The following ESPNL variants were observed in gnomAD, a reference collection of about 807,000 sequenced individuals.
The protein encoded by ESPNL is espin like, also known as espin-like protein.
ESPNL carries 49 observed loss-of-function variants against 46.8 expected under a neutral mutation model. That is an observed-to-expected ratio of 1.05 (90% confidence interval 0.83 to 1.33). The LOEUF is 1.33. ESPNL is among the 40% of genes most tolerant of loss of function. ESPNL has a pLI of 0.00. For missense variants in ESPNL, 1,540 were observed against 1,436.6 expected (o/e 1.07, Z -1.16); for synonymous variants, 664 against 662.1 (o/e 1.00, Z -0.04).
At chr2:238,113,049 T>G (rs11898344) in intron 4 of ESPNL, among the ~76,000 whole-genome samples, 28,899 of 152,206 alleles carry the variant, frequency 0.19, 3,006 homozygotes, top group African/African-American at 0.27. Context: ...ATCGAGAGAA[T>G]TGTGTGAACA....
At chr2:238,125,493 G>A (rs1369016649) in intron 6 of ESPNL, 109 bp downstream of exon 6, 9 of 539,150 alleles carry the variant, frequency 1.7e-5, no homozygotes, top group East Asian at 1.4e-4. Flanking sequence ...GGGCAGCCGG[G>A]CACCCCATCA....
At chr2:238,116,662 C>T (rs938441441) in intron 4 of ESPNL, among the ~76,000 whole-genome samples, 2 of 152,246 alleles carry the variant, frequency 1.3e-5, no homozygotes, top group Non-Finnish European at 2.9e-5. Flanking sequence ...GTCAGCTCAG[C>T]ACTGCTTCAT....
In ESPNL at chr2:238,130,661, G is replaced by C. The variant is rs908395489; in HGVS notation, c.1947G>C (p.Gly649=). 6.4e-7 allele frequency: 1 copy of C among 1,561,708 alleles called. No homozygotes were observed. The highest frequency in any genetic ancestry group is 8.7e-7 in the Non-Finnish European group (1 of 1,153,404). ...CCCAGCGCCAGATCCAGGAGTGGGG[G>C]GTGTCTGTGCGGACGCTGCGGGGCA... ...SEAQRQIQEW[G]VSVRTLRGNF... The change falls in exon 9 of 9, where the codon GGG becomes GGC. Residue 649 remains glycine (G), a synonymous_variant. Transcript: ENST00000343063.
At chr2:238,103,688 A>G (rs1042712549) in intron 2 of ESPNL, among the ~76,000 whole-genome samples, 3 of 152,228 alleles carry the variant, frequency 2.0e-5, no homozygotes, top group African/African-American at 7.2e-5. Flanking sequence ...GACACCTGGC[A>G]GAGTCTGGTG....
At chr2:238,128,995 C>A in intron 8 of ESPNL, 91 bp downstream of exon 8, 1 of 1,465,700 alleles carries the variant, frequency 6.8e-7, no homozygotes, top group Admixed American at 2.3e-5. Context: ...AAGCCCAGAA[C>A]TGAATCCAAG....
chr2:238,129,165 T>C, intron 8 of ESPNL: 1 of 1,389,976 alleles, frequency 7.2e-7, no homozygotes, highest in Non-Finnish European at 9.3e-7. Context: ...TGCCTGCCTG[T>C]GCCAAGCGTT....
chr2:238,115,211 C>T (rs1045719962), intron 4 of ESPNL, among the ~76,000 whole-genome samples: 1 of 152,290 alleles, frequency 6.6e-6, no homozygotes, highest in African/African-American at 2.4e-5. Context: ...GGCGCTGTGG[C>T]CTCCTCAGGC....
intron 8 of ESPNL, 135 bp downstream of exon 8, chr2:238,129,039 G>A: frequency 4.2e-6 from 6 of 1,433,166 alleles, no homozygotes; most frequent in Non-Finnish European, 5.5e-6. Context: ...GGCCTCAGCT[G>A]CTGCTTCCGC....
At chr2:238,126,989 CTGTG>C in intron 6 of ESPNL, among the ~76,000 whole-genome samples, 2 of 126,120 alleles carry the variant, frequency 1.6e-5, no homozygotes, top group Admixed American at 1.6e-4. Flanking sequence ...TTGTGTCTAT[CTGTG>C]TGTGATTGTG....
intron 4 of ESPNL, 42 bp downstream of exon 4, chr2:238,108,015 G>GC: frequency 6.4e-7 from 1 of 1,561,390 alleles, no homozygotes; most frequent in South Asian, 1.2e-5. Flanking sequence ...AGTCACAAGT[G>GC]CCAGCCATGC....
At chr2:238,120,402 C>T (rs369448080) in intron 5 of ESPNL, among the ~76,000 whole-genome samples, 71 of 152,344 alleles carry the variant, frequency 4.7e-4, no homozygotes, top group Admixed American at 3.9e-4. Context: ...CAGCCCCGCC[C>T]GACCTCCTGG....
Sources: allele counts gnomAD v4.1 joint callset (sites outside exome capture counted in the v4.1 genomes callset), GRCh38; gene constraint gnomAD v4.1.1; transcripts MANE v1.5; gene names NCBI Gene and HGNC (gene_info 2026-07-23, HGNC 2026-07-21).